The following CDK14 variants were observed in gnomAD, a reference collection of about 807,000 sequenced individuals.
CDK14 encodes cyclin-dependent kinase 14.
In CDK14, 34 loss-of-function variants were observed where a neutral mutation model predicts 60.7. The observed-to-expected ratio is 0.56, with a 90% confidence interval of 0.43 to 0.75. The LOEUF is 0.75. Ranked by LOEUF, CDK14 falls within the 30% of genes least tolerant of loss-of-function variation. The pLI, the probability that CDK14 is intolerant of heterozygous loss-of-function variation, is 0.00. For synonymous variants in CDK14, 197 were observed against 203.7 expected (o/e 0.97, Z 0.28); for missense variants, 482 against 564.1 (o/e 0.85, Z 1.47).
chr7:90,872,933 A>T (rs1278145652), intron 6 of CDK14, among the ~76,000 whole-genome samples: 1 of 152,206 alleles, frequency 6.6e-6, no homozygotes, highest in African/African-American at 2.4e-5. Flanking sequence ...AGTTTATCTT[A>T]GAATTTCACC....
intron 11 of CDK14, among the ~76,000 whole-genome samples, chr7:91,071,408 G>T (rs1445331857): frequency 6.6e-6 from 1 of 151,830 alleles, no homozygotes; most frequent in Non-Finnish European, 1.5e-5. Flanking sequence ...AGTGTAGTGC[G>T]GCGGCCCACC....
At chr7:91,088,313 T>C (rs1364997822) in intron 12 of CDK14, among the ~76,000 whole-genome samples, 4 of 152,146 alleles carry the variant, frequency 2.6e-5, no homozygotes, top group Non-Finnish European at 5.9e-5. Context: ...GCCACATCCA[T>C]ACCCTAAGGC....
At chr7:91,084,406 C>T (rs1798571314) in intron 12 of CDK14, among the ~76,000 whole-genome samples, 1 of 152,170 alleles carries the variant, frequency 6.6e-6, no homozygotes, top group Non-Finnish European at 1.5e-5. Flanking sequence ...CCAACTTGGG[C>T]CTCTCCTGCC....
At position 90,849,535 on chromosome 7, in the gene CDK14, AG is replaced by A. The variant is rs148815832; in HGVS notation, c.545-13638del. Among the ~76,000 whole-genome samples, 1,131 of 152,070 alleles carry A rather than the reference AG, an allele frequency of 7.4e-3. 39 individuals are homozygous for A. The highest frequency in any genetic ancestry group is 0.026 in the African/African-American group (1,093 of 41,360). On this transcript the variant is annotated intron_variant, in intron 5 of 14. Transcript: ENST00000380050. ...ATTAATTTAGGGACCACAAACTTAG[AG>A]GTCCAGCAATAATAGGGTATAAGAG...
chr7:90,967,843 G>A (rs571130324), intron 9 of CDK14, among the ~76,000 whole-genome samples: 1 of 152,342 alleles, frequency 6.6e-6, no homozygotes, highest in South Asian at 2.1e-4. Flanking sequence ...AGGTGAAAAA[G>A]TGGATCATTA....
At chr7:91,079,560 C>A in intron 12 of CDK14, 80 bp downstream of exon 12, 1 of 990,106 alleles carries the variant, frequency 1.0e-6, no homozygotes, top group Non-Finnish European at 1.6e-6. Context: ...TTTTTCATGG[C>A]ATTGTTGATT....
chr7:90,963,721 T>TTC, intron 9 of CDK14, among the ~76,000 whole-genome samples: 1 of 145,356 alleles, frequency 6.9e-6, no homozygotes, highest in African/African-American at 2.6e-5. Flanking sequence ...CTTTTTTTTT[T>TTC]TTTTTTTTTT....
At chr7:91,176,933 G>A (rs1025319368) in intron 14 of CDK14, among the ~76,000 whole-genome samples, 1 of 152,144 alleles carries the variant, frequency 6.6e-6, no homozygotes, top group African/African-American at 2.4e-5. Context: ...AATAGAAAAG[G>A]AGGGAATCCT....
At chr7:91,116,615 A>T (rs1799618047) in intron 13 of CDK14, among the ~76,000 whole-genome samples, 1 of 152,056 alleles carries the variant, frequency 6.6e-6, no homozygotes, top group South Asian at 2.1e-4. Flanking sequence ...CAGATTTAAG[A>T]TTTGCTACCT....
At chr7:90,824,185 C>G (rs1352807139) in intron 5 of CDK14, among the ~76,000 whole-genome samples, 1 of 152,168 alleles carries the variant, frequency 6.6e-6, no homozygotes, top group Non-Finnish European at 1.5e-5. Context: ...TCTACATGGT[C>G]TTCGAGCTGG....
intron 5 of CDK14, among the ~76,000 whole-genome samples, chr7:90,838,819 G>A (rs530584550): frequency 5.3e-5 from 8 of 152,224 alleles, no homozygotes; most frequent in South Asian, 2.1e-4. Context: ...CGTGCCCAGC[G>A]GAACATGGAC....
chr7:91,173,772 G>A (rs561916982), intron 14 of CDK14, among the ~76,000 whole-genome samples: 2 of 152,336 alleles, frequency 1.3e-5, no homozygotes, highest in East Asian at 1.9e-4. Context: ...GGCTCACCAC[G>A]AGATTATATC....
At chr7:90,973,752 A>C (rs1794992507) in intron 9 of CDK14, among the ~76,000 whole-genome samples, 1 of 151,964 alleles carries the variant, frequency 6.6e-6, no homozygotes, top group Non-Finnish European at 1.5e-5. Flanking sequence ...TTGAAAGGAG[A>C]GGGGGTGTAC....
intron 2 of CDK14, among the ~76,000 whole-genome samples, chr7:90,724,163 T>G (rs969307391): frequency 3.9e-5 from 6 of 152,144 alleles, no homozygotes; most frequent in Non-Finnish European, 4.4e-5. Context: ...CTGAGTGAGC[T>G]TTGGTAGTTT....
intron 3 of CDK14, among the ~76,000 whole-genome samples, chr7:90,744,612 C>T (rs1044483972): frequency 1.4e-4 from 22 of 151,736 alleles, no homozygotes; most frequent in Middle Eastern, 3.2e-3. Context: ...CCTCACCTCC[C>T]GGATGGGGCG....
chr7:90,848,525 A>T (rs1790543787), intron 5 of CDK14, among the ~76,000 whole-genome samples: 1 of 152,122 alleles, frequency 6.6e-6, no homozygotes, highest in Non-Finnish European at 1.5e-5. Flanking sequence ...GAATAAGTGC[A>T]TTTTATTTCT....
chr7:91,169,932 C>T (rs1021488334), intron 14 of CDK14, among the ~76,000 whole-genome samples: 1 of 152,206 alleles, frequency 6.6e-6, no homozygotes, highest in Admixed American at 6.5e-5. Context: ...CAGTACCCTG[C>T]GTTATCATGG....
chr7:91,058,353 C>A (rs1431625421), intron 11 of CDK14, among the ~76,000 whole-genome samples: 1 of 152,168 alleles, frequency 6.6e-6, no homozygotes, highest in African/African-American at 2.4e-5. Context: ...CATCTGCAAA[C>A]AGGGACAATT....
chr7:90,844,478 TC>T (rs1790397413), intron 5 of CDK14, among the ~76,000 whole-genome samples: 1 of 152,216 alleles, frequency 6.6e-6, no homozygotes, highest in African/African-American at 2.4e-5. Context: ...ACTTCTAAAT[TC>T]CTGTGCTGGG....
Sources: allele counts gnomAD v4.1 joint callset (sites outside exome capture counted in the v4.1 genomes callset), GRCh38; gene constraint gnomAD v4.1.1; transcripts MANE v1.5; gene names NCBI Gene and HGNC (gene_info 2026-07-23, HGNC 2026-07-21).